BFSP1: variants seen among roughly 807,000 people sequenced by gnomAD.
BFSP1 encodes filensin.
A neutral mutation model predicts 43.9 loss-of-function variants in BFSP1; 38 were observed. That is an observed-to-expected ratio of 0.87 (90% CI 0.67 to 1.14). BFSP1 has a LOEUF of 1.14. Among genes scored for constraint, BFSP1 ranks in the 50% most tolerant of loss-of-function variants. The pLI is 0.00. For missense variants in BFSP1, 850 were observed against 875.1 expected (o/e 0.97, Z 0.36); for synonymous variants, 352 against 354.8 (o/e 0.99, Z 0.09).
At chr20:17,505,638 C>G (rs2033918155) in intron 5 of BFSP1, among the ~76,000 whole-genome samples, 1 of 152,220 alleles carries the variant, frequency 6.6e-6, no homozygotes, top group African/African-American at 2.4e-5. Context: ...TTAAAACCAG[C>G]AAAAACCCAG....
In BFSP1 at chr20:17,531,379, G is replaced by A. The variant is rs1373909145; in HGVS notation, c.-50C>T. ...GCGGCGCCGAGCCGGCTCTCCAGGA[G>A]GCCCCCGGCGCAGCCCGCAGCCCGC... On this transcript the variant is annotated 5_prime_UTR_variant, in exon 1 of 8. Transcript: ENST00000377873. 1.5e-6 allele frequency: 2 copies of A among 1,303,504 alleles called. No homozygotes were observed. The highest frequency in any genetic ancestry group is 1.9e-6 in the Non-Finnish European group (2 of 1,029,394). The allele number at this position is 1,303,504 out of a possible 1,614,324, so 80.7% of individuals were successfully genotyped here.
chr20:17,498,582 C>A (rs2033711956), intron 6 of BFSP1, among the ~76,000 whole-genome samples: 3 of 152,176 alleles, frequency 2.0e-5, no homozygotes, highest in Non-Finnish European at 4.4e-5. Flanking sequence ...TGCAAGCATT[C>A]CCCCATCACC....
chr20:17,497,665 C>G (rs78697579), intron 6 of BFSP1, among the ~76,000 whole-genome samples: 1 of 148,608 alleles, frequency 6.7e-6, no homozygotes, highest in African/African-American at 2.5e-5. Flanking sequence ...CTCATATATA[C>G]GTATATACAT....
chr20:17,496,165 C>T (rs780028178), intron 7 of BFSP1, among the ~76,000 whole-genome samples: 23 of 152,242 alleles, frequency 1.5e-4, no homozygotes, highest in Non-Finnish European at 2.8e-4. Context: ...CCTGCAGGGC[C>T]GCTCGTCTGC....
intron 1 of BFSP1, among the ~76,000 whole-genome samples, chr20:17,567,297 A>C (rs998835753): frequency 6.6e-6 from 1 of 152,226 alleles, no homozygotes; most frequent in African/African-American, 2.4e-5. Flanking sequence ...TTCAATACTT[A>C]TTAAACACCT....
At chr20:17,556,013 C>T (rs1253642182) in intron 1 of BFSP1, among the ~76,000 whole-genome samples, 1 of 152,058 alleles carries the variant, frequency 6.6e-6, no homozygotes, top group African/African-American at 2.4e-5. Context: ...CATGTTGGTC[C>T]ATTTCTACAT....
intron 1 of BFSP1, among the ~76,000 whole-genome samples, chr20:17,539,916 G>A (rs188877488): frequency 1.8e-3 from 268 of 152,264 alleles, no homozygotes; most frequent in Admixed American, 4.7e-3. Context: ...GCTTCCCAGC[G>A]TTGACCTGAA....
At chr20:17,543,033 C>T (rs1247448262) in intron 1 of BFSP1, among the ~76,000 whole-genome samples, 1 of 152,184 alleles carries the variant, frequency 6.6e-6, no homozygotes, top group Non-Finnish European at 1.5e-5. Context: ...GAGGCAGTTA[C>T]TCCTAGCTAA....
intron 1 of BFSP1, among the ~76,000 whole-genome samples, chr20:17,536,967 G>A (rs950780417): frequency 6.6e-6 from 1 of 152,180 alleles, no homozygotes; most frequent in Non-Finnish European, 1.5e-5. Context: ...CTTCAGAGAT[G>A]GGGCCTGTAA....
At chr20:17,523,970 TG>T (rs1368047797) in intron 2 of BFSP1, among the ~76,000 whole-genome samples, 1 of 152,096 alleles carries the variant, frequency 6.6e-6, no homozygotes, top group Non-Finnish European at 1.5e-5. Flanking sequence ...AAAGCATACC[TG>T]GGCATGGCAG....
chr20:17,505,544 C>CA (rs1375493786), intron 5 of BFSP1, among the ~76,000 whole-genome samples: 6 of 152,274 alleles, frequency 3.9e-5, no homozygotes, highest in Admixed American at 3.3e-4. Flanking sequence ...GTTCCGGCCA[C>CA]AGAGCGGGCC....
At position 17,524,832 on chromosome 20, in the gene BFSP1, G is replaced by A. The variant is rs1253357315; in HGVS notation, c.438+16C>T. 1.2e-6 allele frequency: 2 copies of A among 1,612,858 alleles called. No homozygotes were observed. The highest frequency in any genetic ancestry group is 1.7e-5 in the Admixed American group (1 of 60,014). On this transcript the variant is annotated intron_variant, in intron 2 of 7. Coordinates refer to ENST00000377873, the MANE Select transcript of BFSP1 (RefSeq NM_001195.5). ...TGTAATTAAGCTACGTAAACCCAAG[G>A]ATGTGTTCCGCTCACCTTGTTAAGC...
At chr20:17,535,521 C>T (rs930859257), upstream of BFSP1, among the ~76,000 whole-genome samples, 3 of 152,052 alleles carry the variant, frequency 2.0e-5, no homozygotes, top group South Asian at 6.2e-4. Context: ...CAGAGCGAGA[C>T]TTCATCTCAA....
At chr20:17,565,194 G>T (rs1165250276) in intron 1 of BFSP1, among the ~76,000 whole-genome samples, 1 of 152,084 alleles carries the variant, frequency 6.6e-6, no homozygotes, top group Admixed American at 6.5e-5. Flanking sequence ...CTCAAACTTT[G>T]AATAAACTGT....
chr20:17,512,161 ACG>A (rs1271692988), intron 3 of BFSP1, 93 bp from the exon 4 acceptor site: 2 of 957,052 alleles, frequency 2.1e-6, no homozygotes. Flanking sequence ...ACACTTCCGC[ACG>A]CTCCCTCATC....
chr20:17,499,245 T>C (rs1486400287), intron 5 of BFSP1, among the ~76,000 whole-genome samples: 19 of 66,330 alleles, frequency 2.9e-4, no homozygotes, highest in Admixed American at 1.6e-3. Flanking sequence ...TTACACAATT[T>C]TTTTTTTTTT....
intron 4 of BFSP1, among the ~76,000 whole-genome samples, chr20:17,511,176 C>T (rs1456698756): frequency 2.0e-5 from 3 of 152,056 alleles, no homozygotes; most frequent in Admixed American, 6.6e-5. Context: ...TTAGGAAAAG[C>T]GTTACTATCC....
intron 5 of BFSP1, among the ~76,000 whole-genome samples, chr20:17,505,886 C>T (rs144957149): frequency 9.2e-5 from 14 of 152,340 alleles, no homozygotes; most frequent in African/African-American, 3.4e-4. Flanking sequence ...GCTAAGGAGG[C>T]AGAATTTTGG....
chr20:17,507,443 A>C lies in BFSP1; in HGVS notation c.735+1446T>G, dbSNP rs754204418. Among the ~76,000 whole-genome samples the C allele has an allele frequency of 3.9e-5, 6 of 152,138 alleles. No homozygotes were observed. The highest frequency in any genetic ancestry group is 2.1e-4 in the South Asian group (1 of 4,828). ...TTTTGTTGACTTCCTTTTACATGCC[A>C]GTCAATTCTACTGAGTTCATTTTAC... is the stretch of plus-strand genomic sequence containing the variant. On this transcript the variant is annotated intron_variant, in intron 5 of 7. Transcript: ENST00000377873. The surrounding 1 kb of genome is among the most constrained non-coding windows in gnomAD (Gnocchi z 4.4).
Sources: allele counts gnomAD v4.1 joint callset (sites outside exome capture counted in the v4.1 genomes callset), GRCh38; gene constraint gnomAD v4.1.1; non-coding constraint Gnocchi (gnomAD v3.1); transcripts MANE v1.5; gene names NCBI Gene and HGNC (gene_info 2026-07-23, HGNC 2026-07-21).